TMEM255A: variants seen among roughly 807,000 people sequenced by gnomAD.
TMEM255A encodes the protein transmembrane protein 255A, also known as family with sequence similarity 70, member A.
Under a neutral mutation model 23.5 loss-of-function variants are expected in TMEM255A, and 14 were observed. That is an observed-to-expected ratio of 0.60 (90% confidence interval 0.39 to 0.93). The LOEUF (loss-of-function observed/expected upper bound fraction) is 0.93. TMEM255A is among the 40% of genes least tolerant of loss of function. TMEM255A has a pLI of 0.00. For synonymous variants in TMEM255A, 104 were observed against 100.3 expected (o/e 1.04, Z -0.22); for missense variants, 233 against 261.7 (o/e 0.89, Z 0.76).
At chrX:120,253,337 AC>A in the TMEM255A span, 2 of 921,602 alleles carry the variant, frequency 2.2e-6, no homozygotes, top group Non-Finnish European at 3.0e-6. Context: ...TAATGATGCT[AC>A]TGCTTAAATT....
chrX:120,278,140 G>A (rs782357158), intron 6 of TMEM255A, among the ~76,000 whole-genome samples: 10 of 10,504 alleles, frequency 9.5e-4, no homozygotes, highest in African/African-American at 3.5e-3. Context: ...ACCCACCCCC[G>A]ACCCCGACTT....
At chrX:120,302,057 T>C (rs1465963533) in intron 2 of TMEM255A, among the ~76,000 whole-genome samples, 1 of 111,884 alleles carries the variant, frequency 8.9e-6, no homozygotes, top group Admixed American at 9.5e-5. Flanking sequence ...GGTTAAATCA[T>C]GGGGGCACAG....
At chrX:120,303,702 C>T (rs1187319739) in intron 2 of TMEM255A, among the ~76,000 whole-genome samples, 1 of 109,404 alleles carries the variant, frequency 9.1e-6, no homozygotes, top group African/African-American at 3.3e-5. Context: ...TTTAAAGCCA[C>T]TGTCTTTAAT....
downstream of TMEM255A, chrX:120,254,128 C>A (rs2057619800): frequency 8.3e-7 from 1 of 1,209,211 alleles, no homozygotes; most frequent in African/African-American, 1.8e-5. Context: ...AATAACTCGC[C>A]CCCTTTAACA....
At chrX:120,251,816 A>G in the TMEM255A span, among the ~76,000 whole-genome samples, 1 of 111,633 alleles carries the variant, frequency 9.0e-6, no homozygotes, top group Non-Finnish European at 1.9e-5. Context: ...GAGGAGGGGG[A>G]CACATAAACG....
downstream of TMEM255A, chrX:120,255,287 A>G (rs557274880): frequency 8.3e-7 from 1 of 1,209,917 alleles, no homozygotes; most frequent in East Asian, 3.0e-5. Context: ...CTGGAAAAGA[A>G]CCTCCAGTAG....
In TMEM255A at chrX:120,277,170, G is replaced by A. The variant is rs2057804989; in HGVS notation, c.513-123C>T. On this transcript the variant is annotated intron_variant, in intron 6 of 8. Coordinates refer to ENST00000371369, the MANE Select transcript of TMEM255A (RefSeq NM_001104544.3). ...GTGAAAAGACAGGTGGGCAGGTGGG[G>A]AGCTACAGTAAGAGACATCATAGCC... The A allele has an allele frequency of 1.3e-5, 7 of 527,724 alleles. No individual in the cohort carries two copies. In the East Asian group the frequency reaches 2.1e-4, roughly 16 times the overall value. The allele number at this position is 527,724 out of a possible 1,213,427, so 43.5% of individuals were successfully genotyped here. A position where few individuals can be genotyped will look rare whatever the true frequency, so the allele number is the denominator to read the frequency against.
intron 8 of TMEM255A, among the ~76,000 whole-genome samples, chrX:120,263,974 T>C (rs2057698490): frequency 9.0e-6 from 1 of 111,421 alleles, no homozygotes; most frequent in South Asian, 3.8e-4. Flanking sequence ...TGAAACCTAG[T>C]GTACCCTCGT....
At chrX:120,309,303 G>A (rs2058083850) in intron 1 of TMEM255A, among the ~76,000 whole-genome samples, 1 of 113,278 alleles carries the variant, frequency 8.8e-6, no homozygotes, top group Non-Finnish European at 1.9e-5. Flanking sequence ...GACTGGGCTG[G>A]GCGAAGCCCA....
At chrX:120,268,621 T>C (rs1372832784) in intron 7 of TMEM255A, among the ~76,000 whole-genome samples, 1 of 112,002 alleles carries the variant, frequency 8.9e-6, no homozygotes, top group Non-Finnish European at 1.9e-5. Flanking sequence ...AAATTATACA[T>C]GTATGTATGT....
chrX:120,257,532 T>C (rs1195134438), downstream of TMEM255A: 3 of 123,317 alleles, frequency 2.4e-5, no homozygotes, highest in Non-Finnish European at 3.8e-5. Flanking sequence ...ATAATAGGTA[T>C]GTAATTATTT....
chrX:120,300,874 T>C (rs782151437), intron 2 of TMEM255A, among the ~76,000 whole-genome samples: 1 of 108,250 alleles, frequency 9.2e-6, no homozygotes, highest in African/African-American at 3.4e-5. Context: ...ACCACCATAC[T>C]TGGCTAATTT....
chrX:120,290,431 T>C (rs1556022693), intron 4 of TMEM255A, among the ~76,000 whole-genome samples: 2 of 90,304 alleles, frequency 2.2e-5, no homozygotes, highest in East Asian at 4.0e-4. Context: ...TGAAGTCACA[T>C]TGAAAAGCTA....
downstream of TMEM255A, chrX:120,255,176 T>C: frequency 1.7e-6 from 2 of 1,211,714 alleles, no homozygotes; most frequent in Non-Finnish European, 2.2e-6. Flanking sequence ...ATCGTTTACA[T>C]CCATGCAGGT....
chrX:120,272,613 C>T (rs1384685335), intron 7 of TMEM255A, among the ~76,000 whole-genome samples: 1 of 111,504 alleles, frequency 9.0e-6, no homozygotes, highest in East Asian at 2.8e-4. Flanking sequence ...TGCACTCTCA[C>T]CTGTTGCCAT....
At chrX:120,257,646 A>G (rs782712662), downstream of TMEM255A, 5 of 123,167 alleles carry the variant, frequency 4.1e-5, no homozygotes, top group East Asian at 1.4e-3. Flanking sequence ...TGGAAAATTA[A>G]ATTGTATTTT....
At chrX:120,257,827 TG>T (rs782150371), downstream of TMEM255A, 43 of 123,259 alleles carry the variant, frequency 3.5e-4, no homozygotes, top group African/African-American at 1.3e-3. Flanking sequence ...ATTACCATAT[TG>T]TTTTTTTATC....
chrX:120,267,907 T>C (rs17332040), intron 8 of TMEM255A, among the ~76,000 whole-genome samples: 51,205 of 109,883 alleles, frequency 0.47, 8,585 homozygotes, highest in East Asian at 0.56. Flanking sequence ...TCCATGGTAG[T>C]GTACTAATGA....
intron 4 of TMEM255A, among the ~76,000 whole-genome samples, chrX:120,289,199 G>T (rs1767899051): frequency 8.9e-6 from 1 of 111,766 alleles, no homozygotes; most frequent in African/African-American, 3.3e-5. Flanking sequence ...GTGTCAATGA[G>T]GACTAGCCAA....
Sources: allele counts gnomAD v4.1 joint callset (sites outside exome capture counted in the v4.1 genomes callset), GRCh38; gene constraint gnomAD v4.1.1; transcripts MANE v1.5; gene names NCBI Gene and HGNC (gene_info 2026-07-23, HGNC 2026-07-21).